Variants in KIAA0586 observed in about 807,000 individuals in gnomAD.
KIAA0586 encodes the protein protein TALPID3.
A neutral mutation model predicts 169.8 loss-of-function variants in KIAA0586; 144 were observed. The observed-to-expected ratio is 0.85, with a 90% confidence interval of 0.74 to 0.97. The LOEUF is 0.97. Among genes scored for constraint, KIAA0586 ranks in the 50% least tolerant of loss-of-function variants. The pLI is 0.00. For synonymous variants in KIAA0586, 625 were observed against 612.4 expected (o/e 1.02, Z -0.30); for missense variants, 1,854 against 1,823.0 (o/e 1.02, Z -0.31).
At chr14:58,428,666 C>CT (rs33975443) in intron 1 of KIAA0586, among the ~76,000 whole-genome samples, 3,219 of 74,028 alleles carry the variant, frequency 0.043, 151 homozygotes, top group African/African-American at 0.13. Flanking sequence ...CCCTGTTGTG[C>CT]TTTTTTTTTT....
At chr14:58,480,855 A>C (rs1419801988) in intron 20 of KIAA0586, among the ~76,000 whole-genome samples, 1 of 152,232 alleles carries the variant, frequency 6.6e-6, no homozygotes, top group African/African-American at 2.4e-5. Flanking sequence ...AAAAATAAAC[A>C]ACAAATTTAT....
chr14:58,436,936 C>T (rs1054499333), intron 4 of KIAA0586, among the ~76,000 whole-genome samples: 3 of 152,080 alleles, frequency 2.0e-5, no homozygotes, highest in African/African-American at 7.2e-5. Flanking sequence ...ATGAACTCCC[C>T]TAAAGGAATT....
chr14:58,464,534 G>T (rs1242228737), intron 14 of KIAA0586, among the ~76,000 whole-genome samples: 2 of 151,498 alleles, frequency 1.3e-5, no homozygotes, highest in East Asian at 3.9e-4. Flanking sequence ...TTACTTTTTT[G>T]TGTGTGTGTT....
chr14:58,462,404 T>G (rs1307977459), intron 14 of KIAA0586, among the ~76,000 whole-genome samples: 1 of 151,518 alleles, frequency 6.6e-6, no homozygotes, highest in African/African-American at 2.4e-5. Flanking sequence ...TGCGCCACAA[T>G]GCCCAGCTAA....
chr14:58,469,572 G>T (rs2041041362), intron 16 of KIAA0586, among the ~76,000 whole-genome samples: 1 of 152,194 alleles, frequency 6.6e-6, no homozygotes, highest in African/African-American at 2.4e-5. Context: ...TCAGTCCATG[G>T]AGGAAATTAG....
intron 26 of KIAA0586, among the ~76,000 whole-genome samples, chr14:58,494,644 T>A (rs1478297204): frequency 6.6e-6 from 1 of 152,162 alleles, no homozygotes; most frequent in Non-Finnish European, 1.5e-5. Flanking sequence ...CTGTTTGCTG[T>A]TACTCCACTA....
At chr14:58,552,608 A>G (rs2047220956), downstream of KIAA0586, among the ~76,000 whole-genome samples, 1 of 152,210 alleles carries the variant, frequency 6.6e-6, no homozygotes, top group Non-Finnish European at 1.5e-5. Context: ...CCAAAGTTAA[A>G]ACCCTCAAGC....
At position 58,487,869 on chromosome 14, in the gene KIAA0586, T is replaced by TA. The variant is rs750143024; in HGVS notation, c.3305-18_3305-17insA. On this transcript the variant is annotated splice_polypyrimidine_tract_variant and intron_variant, in intron 22 of 30. Coordinates refer to ENST00000652326, the MANE Select transcript of KIAA0586 (RefSeq NM_001329943.3). ...CTGACTACTATCTTTTTCTGTCCTTTTAAAAAAAAACCTTTAGGAGATGAT... is the reference window on the plus strand; with the variant it reads ...CTGACTACTATCTTTTTCTGTCCTTTATAAAAAAAAACCTTTAGGAGATGAT... The TA allele has an allele frequency of 1.9e-5, 27 of 1,406,462 alleles. No homozygotes were observed. The highest frequency in any genetic ancestry group is 1.8e-4 in the African/African-American group (6 of 33,254). 87.1% of individuals were successfully genotyped at this position (1,406,462 alleles called of 1,614,324 possible).
intron 5 of KIAA0586, 53 bp from the exon 6 acceptor site, chr14:58,443,901 A>G: frequency 9.7e-7 from 1 of 1,034,032 alleles, no homozygotes; most frequent in Non-Finnish European, 1.4e-6. Flanking sequence ...GTAATTAGAC[A>G]TATTTTTGGT....
At chr14:58,554,111 G>A (rs1402620496), downstream of KIAA0586, among the ~76,000 whole-genome samples, 1 of 152,150 alleles carries the variant, frequency 6.6e-6, no homozygotes, top group Non-Finnish European at 1.5e-5. Context: ...GTTGATCTGA[G>A]AGTGCCTATG....
chr14:58,432,623 TAGC>T (rs1184728027), intron 4 of KIAA0586, among the ~76,000 whole-genome samples, 166 bp downstream of exon 4: 4 of 152,254 alleles, frequency 2.6e-5, no homozygotes, highest in Admixed American at 2.0e-4. Context: ...CAGTAGCAGT[TAGC>T]AGTTATTATT....
At position 58,549,509 on chromosome 14, in the gene KIAA0586, T is replaced by C. The variant is rs529689278; in HGVS notation, c.*1577T>C. 2.3e-4 allele frequency: 35 copies of C among 152,312 alleles called. No homozygotes were observed. Among genetic ancestry groups the C allele is most frequent in the African/African-American group, 8.2e-4 (34 of 41,570 alleles). 9.4% of individuals were successfully genotyped at this position (152,312 alleles called of 1,614,324 possible). A position where few individuals can be genotyped will look rare whatever the true frequency, so the allele number is the denominator to read the frequency against. The stretch of plus-strand genomic sequence containing the variant: ...GAGTCTATGGAAACTCAGAAATGTG[T>C]CAGCCTTCCACATGCACTTCCTCAC... On this transcript the variant is annotated 3_prime_UTR_variant, in exon 31 of 31. Coordinates refer to ENST00000652326, the MANE Select transcript of KIAA0586 (RefSeq NM_001329943.3).
At chr14:58,542,812 A>C (rs1595549533) in intron 30 of KIAA0586, among the ~76,000 whole-genome samples, 1 of 152,258 alleles carries the variant, frequency 6.6e-6, no homozygotes, top group East Asian at 1.9e-4. Flanking sequence ...TATATAAAAC[A>C]CTTTGTATGT....
chr14:58,485,402 C>T (rs1406875787), intron 21 of KIAA0586, among the ~76,000 whole-genome samples: 2 of 152,068 alleles, frequency 1.3e-5, no homozygotes, highest in Non-Finnish European at 2.9e-5. Context: ...TTTGATAAAT[C>T]TGGGGGAAAT....
intron 21 of KIAA0586, among the ~76,000 whole-genome samples, chr14:58,486,711 G>A (rs1407491003): frequency 1.3e-5 from 2 of 152,220 alleles, no homozygotes; most frequent in African/African-American, 4.8e-5. Flanking sequence ...TAGTGAGGCT[G>A]CAGAGTAAAC....
intron 8 of KIAA0586, 94 bp from the exon 9 acceptor site, chr14:58,453,256 G>C (rs1712007604): frequency 3.0e-6 from 2 of 671,930 alleles, no homozygotes; most frequent in Non-Finnish European, 4.5e-6. Flanking sequence ...ATCATAAGAA[G>C]CTAACTTAGG....
intron 29 of KIAA0586, among the ~76,000 whole-genome samples, chr14:58,536,613 GA>G (rs1201849741): frequency 6.6e-6 from 1 of 152,148 alleles, no homozygotes; most frequent in Non-Finnish European, 1.5e-5. Context: ...TATTTGAAAT[GA>G]AAAGCTAAAA....
rs182897261 is a variant in KIAA0586 at position 58,524,863 on chromosome 14, G to A, written c.4429+12236G>A. Among the ~76,000 whole-genome samples, 830 of 152,180 alleles carry A rather than the reference G, an allele frequency of 5.5e-3. 12 individuals carry two copies. The highest frequency in any genetic ancestry group is 0.019 in the African/African-American group (801 of 41,518). On this transcript the variant is annotated intron_variant, in intron 29 of 30. Transcript: ENST00000652326. The stretch of plus-strand genomic sequence containing the variant: ...CCCAAGTAGCTGGGACTGCAGGTGC[G>A]TGCCACCACACCCAGCTATTTTTAG...
Position 58,540,082 on chromosome 14 carries a change from G to C in KIAA0586, c.4441G>C (p.Asp1481His). The change falls in exon 30 of 31, where the codon GAT becomes CAT. Residue 1481 changes from aspartate to histidine, a missense_variant. Asp to His is a moderately conservative substitution (Grantham distance 81). Coordinates refer to ENST00000652326, the MANE Select transcript of KIAA0586 (RefSeq NM_001329943.3). ...APSQQQVSPG[D>H]MDRTQIELNP... The stretch of plus-strand genomic sequence containing the variant: ...AAATTTTTATGTAGTTTCACCAGGT[G>C]ATATGGATCGGACACAAATTGAGCT... The C allele has an allele frequency of 6.4e-7, 1 of 1,552,944 alleles. No homozygotes were observed. The highest frequency in any genetic ancestry group is 8.8e-7 in the Non-Finnish European group (1 of 1,142,786).
Sources: allele counts gnomAD v4.1 joint callset (sites outside exome capture counted in the v4.1 genomes callset), GRCh38; gene constraint gnomAD v4.1.1; transcripts MANE v1.5; gene names NCBI Gene and HGNC (gene_info 2026-07-23, HGNC 2026-07-21).